ARHGAP39: variants seen among roughly 807,000 people sequenced by gnomAD.
The protein encoded by ARHGAP39 is rho GTPase-activating protein 39.
ARHGAP39 carries 44 observed loss-of-function variants against 106.9 expected under a neutral mutation model. The ratio of observed to expected loss-of-function variants is 0.41; its 90% CI spans 0.32 to 0.53. The LOEUF (loss-of-function observed/expected upper bound fraction) is 0.53. Among genes scored for constraint, ARHGAP39 ranks in the 20% least tolerant of loss-of-function variants. The pLI is 0.21. For synonymous variants in ARHGAP39, 768 were observed against 693.2 expected (o/e 1.11, Z -1.69); for missense variants, 1,496 against 1,577.3 (o/e 0.95, Z 0.87).
chr8:144,601,818 G>A (rs1216294302), intron 2 of ARHGAP39, among the ~76,000 whole-genome samples: 6 of 127,670 alleles, frequency 4.7e-5, no homozygotes, highest in South Asian at 5.4e-4. Context: ...TGTGTGTGGA[G>A]GCGTGTGTGC....
At chr8:144,636,083 GCAGA>G (rs1456777742) in intron 1 of ARHGAP39, among the ~76,000 whole-genome samples, 1 of 151,802 alleles carries the variant, frequency 6.6e-6, no homozygotes, top group African/African-American at 2.4e-5. Flanking sequence ...CTACCACCAG[GCAGA>G]CAGTGTGAGG....
chr8:144,638,115 G>A (rs914283262), intron 1 of ARHGAP39, among the ~76,000 whole-genome samples: 1 of 152,140 alleles, frequency 6.6e-6, no homozygotes, highest in Non-Finnish European at 1.5e-5. Flanking sequence ...CACCTTTGAT[G>A]TTAAAAGATA....
Position 144,573,130 on chromosome 8 carries a change from C to T in ARHGAP39, c.512+7716G>A, listed in dbSNP as rs1397475498. Among the ~76,000 whole-genome samples, 5 of 152,166 alleles carry T rather than the reference C, an allele frequency of 3.3e-5. No homozygotes were observed. The East Asian group carries it at 9.6e-4, about 29-fold the overall frequency. On this transcript the variant is annotated intron_variant, in intron 3 of 11. Transcript: ENST00000377307. ...TATACCCAAAGGATTATAAATCTTG[C>T]TACTAAAAAAGACACATGCACATGT... is the stretch of plus-strand genomic sequence containing the variant.
chr8:144,636,274 G>C (rs1304305208), intron 1 of ARHGAP39, among the ~76,000 whole-genome samples: 5 of 152,164 alleles, frequency 3.3e-5, no homozygotes, highest in Non-Finnish European at 7.4e-5. Flanking sequence ...GAGTGCAGAA[G>C]AAAAACTTCT....
chr8:144,608,205 T>G (rs1293104740), intron 1 of ARHGAP39, among the ~76,000 whole-genome samples: 1 of 139,744 alleles, frequency 7.2e-6, no homozygotes, highest in East Asian at 2.1e-4. Flanking sequence ...GAAATGAAAC[T>G]CAAATATTTT....
At chr8:144,664,014 A>T (rs1821899556) in intron 1 of ARHGAP39, among the ~76,000 whole-genome samples, 2 of 152,006 alleles carry the variant, frequency 1.3e-5, no homozygotes, top group African/African-American at 4.8e-5. Flanking sequence ...GAAAAATACA[A>T]CAATTAGCCG....
chr8:144,687,814 G>A (rs372228531), upstream of ARHGAP39, among the ~76,000 whole-genome samples: 47 of 102,366 alleles, frequency 4.6e-4, no homozygotes, highest in African/African-American at 9.1e-4. Context: ...ACACACTGGC[G>A]GTGAGCACTT....
intron 6 of ARHGAP39, among the ~76,000 whole-genome samples, chr8:144,538,255 G>A (rs1374832102): frequency 6.6e-6 from 1 of 152,260 alleles, no homozygotes; most frequent in Non-Finnish European, 1.5e-5. Context: ...CAGTCAGAGA[G>A]GAGGGGGCTC....
In ARHGAP39 at chr8:144,533,212, G is replaced by A; in HGVS notation, c.2802C>T (p.Tyr934=). 6.2e-7 allele frequency: 1 copy of A among 1,612,886 alleles called. No homozygotes were observed. The highest frequency in any genetic ancestry group is 8.5e-7 in the Non-Finnish European group (1 of 1,179,988). ...GCACCCAGGGCAGCTGGCGCTCGGG[G>A]TAGCGCTCTCTCTGCATGCCCATGA... The part of the protein sequence containing the change: ...QEVMGMQRER[Y]PERQLPWVQT... The change falls in exon 9 of 12, where the codon TAC becomes TAT. Residue 934 remains tyrosine, a synonymous_variant. Transcript: ENST00000377307.
Position 144,582,320 on chromosome 8 carries a change from C to T in ARHGAP39, c.81-1043G>A, listed in dbSNP as rs541233143. On this transcript the variant is annotated intron_variant, in intron 2 of 11. Coordinates refer to ENST00000377307, the MANE Select transcript of ARHGAP39 (RefSeq NM_025251.3). ...ACCCTTTGAAACCAGGCCAGGGACACGGCGGCTCTGAAAACAGGCTGTGAT... is the reference window on the plus strand; with the variant it reads ...ACCCTTTGAAACCAGGCCAGGGACATGGCGGCTCTGAAAACAGGCTGTGAT... Among the ~76,000 whole-genome samples the T allele has an allele frequency of 3.9e-3, 596 of 152,308 alleles. 1 individual carries two copies. The highest frequency in any genetic ancestry group is 6.7e-3 in the Non-Finnish European group (453 of 68,020).
intron 1 of ARHGAP39, among the ~76,000 whole-genome samples, chr8:144,620,978 C>T (rs998555415): frequency 6.6e-5 from 10 of 152,394 alleles, no homozygotes; most frequent in East Asian, 1.9e-4. Context: ...TTGGCAGCCC[C>T]GCTGTCACCA....
chr8:144,616,307 G>A (rs549363498), intron 1 of ARHGAP39, among the ~76,000 whole-genome samples: 1 of 152,356 alleles, frequency 6.6e-6, no homozygotes, highest in South Asian at 2.1e-4. Context: ...TCTGTGACCT[G>A]GGACAGGCCC....
At chr8:144,550,593 G>A (rs1208073128) in intron 4 of ARHGAP39, among the ~76,000 whole-genome samples, 1 of 152,252 alleles carries the variant, frequency 6.6e-6, no homozygotes, top group South Asian at 2.1e-4. Context: ...CCTGACCAGG[G>A]ACAACCTGCT....
At chr8:144,665,135 T>C (rs1483638987) in intron 1 of ARHGAP39, among the ~76,000 whole-genome samples, 1 of 152,210 alleles carries the variant, frequency 6.6e-6, no homozygotes, top group Admixed American at 6.5e-5. Flanking sequence ...CTTGTTATGT[T>C]TTAGCAAAGA....
upstream of ARHGAP39, among the ~76,000 whole-genome samples, chr8:144,686,890 G>GTGA (rs1563738778): frequency 3.6e-4 from 11 of 30,358 alleles, no homozygotes; most frequent in South Asian, 3.2e-3. Flanking sequence ...ACACACTGGC[G>GTGA]GCGAGCACTT....
intron 1 of ARHGAP39, among the ~76,000 whole-genome samples, chr8:144,653,834 A>C (rs1206121418): frequency 6.6e-6 from 1 of 152,204 alleles, no homozygotes; most frequent in African/African-American, 2.4e-5. Context: ...CAGGGACTGG[A>C]CTTGTCCTCC....
intron 1 of ARHGAP39, among the ~76,000 whole-genome samples, chr8:144,614,422 G>A (rs763170015): frequency 9.3e-5 from 14 of 150,718 alleles, no homozygotes; most frequent in Non-Finnish European, 1.5e-4. Flanking sequence ...GCACAATCCC[G>A]GTTCACTGCA....
At chr8:144,682,011 G>A (rs1361697997) in intron 1 of ARHGAP39, among the ~76,000 whole-genome samples, 2 of 152,220 alleles carry the variant, frequency 1.3e-5, no homozygotes, top group Non-Finnish European at 2.9e-5. Flanking sequence ...GCACACGCCT[G>A]TAATCCAAGC....
intron 2 of ARHGAP39, among the ~76,000 whole-genome samples, chr8:144,595,396 G>A (rs774513720): frequency 4.0e-4 from 61 of 152,270 alleles, no homozygotes; most frequent in Admixed American, 1.7e-3. Context: ...ACACAAAGCC[G>A]GCCCGCCGTG....
Sources: allele counts gnomAD v4.1 joint callset (sites outside exome capture counted in the v4.1 genomes callset), GRCh38; gene constraint gnomAD v4.1.1; transcripts MANE v1.5; gene names NCBI Gene and HGNC (gene_info 2026-07-23, HGNC 2026-07-21).